The following RARB variants were observed in gnomAD, a reference collection of about 807,000 sequenced individuals.
RARB encodes the protein HBV-activated protein.
Under a neutral mutation model 51.9 loss-of-function variants are expected in RARB, and 17 were observed. That is an observed-to-expected ratio of 0.33 (90% CI 0.22 to 0.49). The LOEUF is 0.49. RARB is among the 20% of genes least tolerant of loss of function. The pLI is 0.99. For missense variants in RARB, 369 were observed against 550.8 expected (o/e 0.67, Z 3.30); for synonymous variants, 215 against 195.4 (o/e 1.10, Z -0.84).
intron 5 of RARB, among the ~76,000 whole-genome samples, chr3:25,284,503 A>G (rs1703602692): frequency 6.6e-6 from 1 of 152,168 alleles, no homozygotes. Context: ...TATTACTCAA[A>G]TATTTTTATT....
chr3:25,211,542 T>C (rs1384091493), intron 5 of RARB, among the ~76,000 whole-genome samples: 1 of 152,236 alleles, frequency 6.6e-6, no homozygotes, highest in African/African-American at 2.4e-5. Flanking sequence ...CATTTTCTTG[T>C]AGAATGAAAA....
At chr3:25,274,968 A>G (rs1217410079) in intron 5 of RARB, among the ~76,000 whole-genome samples, 1 of 152,170 alleles carries the variant, frequency 6.6e-6, no homozygotes, top group Non-Finnish European at 1.5e-5. Context: ...GCCAGTAATC[A>G]ACTGTTTATG....
chr3:25,306,644 A>G (rs948735154), intron 5 of RARB, among the ~76,000 whole-genome samples: 3 of 152,218 alleles, frequency 2.0e-5, no homozygotes, highest in African/African-American at 4.8e-5. Flanking sequence ...AAAAATGCCA[A>G]TACTAAATCC....
intron 2 of RARB, among the ~76,000 whole-genome samples, chr3:24,975,910 C>T (rs541889731): frequency 2.0e-5 from 3 of 152,270 alleles, no homozygotes; most frequent in East Asian, 1.9e-4. Flanking sequence ...CCAGCGCTAT[C>T]CCTGCCCTAG....
chr3:24,846,940 T>C (rs1702492469), intron 1 of RARB, among the ~76,000 whole-genome samples: 1 of 152,064 alleles, frequency 6.6e-6, no homozygotes, highest in South Asian at 2.1e-4. Flanking sequence ...AGCAGTTGTA[T>C]TGATACACAG....
intron 5 of RARB, among the ~76,000 whole-genome samples, chr3:25,197,061 CTTTAG>C (rs1337029861): frequency 6.6e-6 from 1 of 152,104 alleles, no homozygotes; most frequent in Non-Finnish European, 1.5e-5. Flanking sequence ...TTCAGAAGCT[CTTTAG>C]TTTAATTCGA....
chr3:25,377,387 A>G (rs1706497825), intron 5 of RARB, among the ~76,000 whole-genome samples: 1 of 152,226 alleles, frequency 6.6e-6, no homozygotes, highest in Admixed American at 6.5e-5. Context: ...ACACATGTGC[A>G]GGTCTAATAA....
intron 5 of RARB, among the ~76,000 whole-genome samples, chr3:25,198,657 A>G (rs1371904897): frequency 6.6e-6 from 1 of 152,172 alleles, no homozygotes; most frequent in African/African-American, 2.4e-5. Context: ...TCAAAAGAAG[A>G]CATACAAATT....
At chr3:25,332,804 A>G (rs1704942657) in intron 5 of RARB, among the ~76,000 whole-genome samples, 1 of 152,226 alleles carries the variant, frequency 6.6e-6, no homozygotes, top group Non-Finnish European at 1.5e-5. Flanking sequence ...AATCTCCTTA[A>G]GCTGTTAAGC....
chr3:25,201,435 C>T (rs1701387113), intron 5 of RARB, among the ~76,000 whole-genome samples: 1 of 152,146 alleles, frequency 6.6e-6, no homozygotes, highest in South Asian at 2.1e-4. Flanking sequence ...CTTCTCCTGC[C>T]TGATTGCCCT....
chr3:25,311,004 G>A (rs1396219808), intron 5 of RARB, among the ~76,000 whole-genome samples: 1 of 152,182 alleles, frequency 6.6e-6, no homozygotes, highest in Non-Finnish European at 1.5e-5. Flanking sequence ...AAGTCCAATG[G>A]AACAGATGAG....
chr3:25,062,843 C>T (rs1156793343), intron 3 of RARB, among the ~76,000 whole-genome samples: 1 of 151,854 alleles, frequency 6.6e-6, no homozygotes, highest in African/African-American at 2.4e-5. Flanking sequence ...CAAATTAGAC[C>T]ATTGTGACAG....
intron 5 of RARB, among the ~76,000 whole-genome samples, chr3:25,223,001 AATAAT>A (rs567160655): frequency 8.1e-4 from 123 of 152,376 alleles, no homozygotes; most frequent in African/African-American, 2.8e-3. Flanking sequence ...GGTAGATAGA[AATAAT>A]ATATTATTTT....
chr3:25,282,576 T>TC (rs1364063201), intron 5 of RARB, among the ~76,000 whole-genome samples: 1 of 152,218 alleles, frequency 6.6e-6, no homozygotes, highest in African/African-American at 2.4e-5. Context: ...TCTTGTTCAC[T>TC]GATAAGTCCT....
At chr3:25,412,571 T>C (rs1232984304) in intron 5 of RARB, among the ~76,000 whole-genome samples, 1 of 152,230 alleles carries the variant, frequency 6.6e-6, no homozygotes, top group Admixed American at 6.5e-5. Flanking sequence ...TGTTTGTTTG[T>C]TTTAAATCTG....
intron 2 of RARB, among the ~76,000 whole-genome samples, chr3:25,489,649 A>C (rs1696631279): frequency 6.6e-6 from 1 of 152,230 alleles, no homozygotes; most frequent in Admixed American, 6.5e-5. Context: ...ATATGCTGGT[A>C]GTGGGGGCTT....
intron 2 of RARB, among the ~76,000 whole-genome samples, chr3:25,048,817 G>A (rs191172366): frequency 1.4e-3 from 202 of 148,690 alleles, no homozygotes; most frequent in African/African-American, 4.8e-3. Flanking sequence ...GTGCAGTGGC[G>A]CGATCTCGGC....
intron 3 of RARB, among the ~76,000 whole-genome samples, chr3:25,545,970 G>A (rs1030556428): frequency 2.6e-5 from 4 of 152,162 alleles, no homozygotes; most frequent in African/African-American, 9.7e-5. Flanking sequence ...AGTTAAGGAA[G>A]GCCTTATGAG....
At chr3:25,169,408 A>C (rs1217789305) in intron 4 of RARB, among the ~76,000 whole-genome samples, 1 of 152,220 alleles carries the variant, frequency 6.6e-6, no homozygotes, top group East Asian at 1.9e-4. Context: ...AAATTGCTGG[A>C]GACTTAGCAA....
Sources: allele counts gnomAD v4.1 joint callset (sites outside exome capture counted in the v4.1 genomes callset), GRCh38; gene constraint gnomAD v4.1.1; transcripts MANE v1.5; gene names NCBI Gene and HGNC (gene_info 2026-07-23, HGNC 2026-07-21).